The following DMC1 variants were observed in gnomAD, a reference collection of about 807,000 sequenced individuals.
DMC1 encodes the protein DNA meiotic recombinase 1, also known as meiotic recombination protein DMC1 homolog.
A neutral mutation model predicts 50.1 loss-of-function variants in DMC1; 27 were observed. The observed-to-expected ratio is 0.54, with a 90% CI of 0.40 to 0.74. The LOEUF (loss-of-function observed/expected upper bound fraction) is 0.74, where lower values mean the gene tolerates loss of function less well. Ranked by LOEUF, DMC1 falls within the 30% of genes least tolerant of loss-of-function variation. DMC1 has a pLI of 0.00. For synonymous variants in DMC1, 148 were observed against 136.1 expected, an observed-to-expected ratio of 1.09 and a Z score of -0.61; for missense variants, 295 against 420.2, an observed-to-expected ratio of 0.70 and a Z score of 2.60.
chr22:38,555,531 CCTAT>C (rs1034386388), intron 5 of DMC1, 122 bp from the exon 6 acceptor site: 7 of 669,642 alleles, frequency 1.0e-5, no homozygotes, highest in Non-Finnish European at 1.9e-5. Context: ...CTATCATCTA[CCTAT>C]CTATCTACAG....
At chr22:38,568,353 CAA>C in intron 1 of DMC1, 64 bp from the exon 2 acceptor site, 1 of 1,217,986 alleles carries the variant, frequency 8.2e-7, no homozygotes. Flanking sequence ...GATTTCATTT[CAA>C]AGTCAACAAG....
intron 6 of DMC1, among the ~76,000 whole-genome samples, chr22:38,553,524 T>TA (rs2090436620): frequency 6.8e-6 from 1 of 146,996 alleles, no homozygotes; most frequent in South Asian, 2.2e-4. Flanking sequence ...AAAGAAAGTT[T>TA]AAGACCCTAC....
downstream of DMC1, among the ~76,000 whole-genome samples, chr22:38,518,174 G>A (rs2089989491): frequency 6.6e-6 from 1 of 152,074 alleles, no homozygotes; most frequent in African/African-American, 2.4e-5. Flanking sequence ...GTTTCACTGT[G>A]TTGGCCAGGC....
intron 12 of DMC1, among the ~76,000 whole-genome samples, chr22:38,533,960 T>A (rs990677660): frequency 6.6e-6 from 1 of 152,316 alleles, no homozygotes; most frequent in Non-Finnish European, 1.5e-5. Context: ...GTCAAAATGC[T>A]TAACATTTTA....
At chr22:38,565,184 A>G (rs2090568816) in intron 4 of DMC1, among the ~76,000 whole-genome samples, 1 of 152,208 alleles carries the variant, frequency 6.6e-6, no homozygotes. Flanking sequence ...AAAGGTATAT[A>G]GGCTTTTGTC....
intron 12 of DMC1, among the ~76,000 whole-genome samples, chr22:38,528,934 G>A (rs1252844828): frequency 6.6e-6 from 1 of 152,124 alleles, no homozygotes; most frequent in Non-Finnish European, 1.5e-5. Context: ...TTATAACCAA[G>A]TCTTGAGGTG....
chr22:38,518,688 G>A (rs956506466), downstream of DMC1, among the ~76,000 whole-genome samples: 4 of 151,836 alleles, frequency 2.6e-5, no homozygotes, highest in Non-Finnish European at 5.9e-5. Context: ...ACACCAGCAC[G>A]CCTGGCTAAT....
At chr22:38,521,574 C>T (rs749431220) in intron 13 of DMC1, 34 bp downstream of exon 13, 2 of 1,265,560 alleles carry the variant, frequency 1.6e-6, no homozygotes, top group East Asian at 2.4e-5. Flanking sequence ...CACACACACA[C>T]ACACACACAC....
intron 12 of DMC1, among the ~76,000 whole-genome samples, chr22:38,531,683 C>A (rs913358984): frequency 1.1e-4 from 17 of 151,990 alleles, no homozygotes; most frequent in Non-Finnish European, 2.2e-4. Context: ...TATTAACATA[C>A]CAATTATAGT....
At chr22:38,550,243 G>A (rs879623512) in intron 7 of DMC1, among the ~76,000 whole-genome samples, 1 of 151,800 alleles carries the variant, frequency 6.6e-6, no homozygotes, top group African/African-American at 2.4e-5. Context: ...GAAGATATTC[G>A]TGAAAGTTAG....
chr22:38,565,689 G>A (rs2090574129), intron 4 of DMC1, among the ~76,000 whole-genome samples: 1 of 152,220 alleles, frequency 6.6e-6, no homozygotes, highest in South Asian at 2.1e-4. Context: ...AACCCTCCCA[G>A]GTTAAGCCTC....
intron 7 of DMC1, among the ~76,000 whole-genome samples, chr22:38,550,601 C>T (rs1199062030): frequency 1.3e-5 from 2 of 150,124 alleles, no homozygotes; most frequent in Non-Finnish European, 3.0e-5. Context: ...CTTGAGCCAC[C>T]GCGCCCAACC....
At chr22:38,562,790 CATATATACACAT>C (rs1569170790) in intron 4 of DMC1, among the ~76,000 whole-genome samples, 2 of 151,662 alleles carry the variant, frequency 1.3e-5, no homozygotes, top group African/African-American at 4.9e-5. Flanking sequence ...TATACATATA[CATATATACACAT>C]ATACATATAC....
intron 7 of DMC1, 62 bp downstream of exon 7, chr22:38,552,604 T>G: frequency 8.9e-7 from 1 of 1,120,262 alleles, no homozygotes; most frequent in Non-Finnish European, 1.4e-6. Context: ...ATCAGGCACA[T>G]AGTAGATGTT....
At chr22:38,555,089 C>CA (rs56405720) in intron 6 of DMC1, among the ~76,000 whole-genome samples, 19,409 of 87,490 alleles carry the variant, frequency 0.22, 1,342 homozygotes, top group South Asian at 0.26. Context: ...GACTCCGTCT[C>CA]AAAAAAAAAA....
Position 38,538,294 on chromosome 22 carries a change from C to G in DMC1, c.775+1G>C. 1 of 1,612,366 alleles carries G rather than the reference C, an allele frequency of 6.2e-7. No homozygotes were observed. The highest frequency in any genetic ancestry group is 8.5e-7 in the Non-Finnish European group (1 of 1,178,492). ...GATGCCATTTTATTTTAAAGATATA[C>G]CTTCTGAGATTTTTTGGAGTCGTGA... On this transcript the variant is annotated splice_donor_variant, in intron 11 of 13. Transcript: ENST00000216024. LOFTEE classifies it high-confidence loss of function.
At chr22:38,551,206 C>A (rs1484171672) in intron 7 of DMC1, among the ~76,000 whole-genome samples, 1 of 151,810 alleles carries the variant, frequency 6.6e-6, no homozygotes, top group Non-Finnish European at 1.5e-5. Flanking sequence ...TGAGATCGCG[C>A]CACTGCACTC....
At position 38,521,590 on chromosome 22, in the gene DMC1, A is replaced by C. The variant is rs539426341; in HGVS notation, c.953+18T>G. The C allele has an allele frequency of 3.1e-3, 4,359 of 1,425,460 alleles. 14 individuals carry two copies. Among genetic ancestry groups the C allele is most frequent in the Non-Finnish European group, 3.9e-3 (3,968 of 1,025,070 alleles). The allele number at this position is 1,425,460 out of a possible 1,614,324, so 88.3% of individuals were successfully genotyped here. A position where few individuals can be genotyped will look rare whatever the true frequency, so the allele number is the denominator to read the frequency against. On this transcript the variant is annotated intron_variant, in intron 13 of 13. Coordinates refer to ENST00000216024, the MANE Select transcript of DMC1 (RefSeq NM_007068.4). Reference sequence around the variant, plus strand: ...ACACACACACACACACACACACACAAAATAAAAAAAAATTTACCTGTCATA... The same window carrying C: ...ACACACACACACACACACACACACACAATAAAAAAAAATTTACCTGTCATA...
In DMC1 at chr22:38,538,204, AT is replaced by A. The variant is rs1295335643; in HGVS notation, c.775+90del. The A allele has an allele frequency of 8.7e-6, 9 of 1,029,654 alleles. No homozygotes were observed. The African/African-American group carries it at 1.3e-4, about 15-fold the overall frequency. 63.8% of individuals were successfully genotyped at this position (1,029,654 alleles called of 1,614,324 possible). A position where few individuals can be genotyped will look rare whatever the true frequency, so the allele number is the denominator to read the frequency against. Reference sequence around the variant, plus strand: ...TAAAGGTAATTTTATTTAAAAAAAAATCGCTGCCTCCTGACATTATATTCCA... The same window carrying A: ...TAAAGGTAATTTTATTTAAAAAAAAACGCTGCCTCCTGACATTATATTCCA... On this transcript the variant is annotated intron_variant, in intron 11 of 13. Transcript: ENST00000216024.
Sources: gnomAD v4.1 joint callset for allele counts (sites outside exome capture counted in the v4.1 genomes callset) on GRCh38, gnomAD v4.1.1 for gene constraint, MANE v1.5 for transcripts, NCBI Gene and HGNC (gene_info 2026-07-23, HGNC 2026-07-21) for gene names.